FCHSD2: variants seen among roughly 807,000 people sequenced by gnomAD.
FCHSD2 encodes FCH and double SH3 domains 2.
Under a neutral mutation model 108.1 loss-of-function variants are expected in FCHSD2, and 38 were observed. That is an observed-to-expected ratio of 0.35 (90% confidence interval 0.27 to 0.46). The LOEUF (loss-of-function observed/expected upper bound fraction) is 0.46. Among genes scored for constraint, FCHSD2 ranks in the 20% least tolerant of loss-of-function variants. The pLI is 1.00. For synonymous variants in FCHSD2, 279 were observed against 314.7 expected (o/e 0.89, Z 1.20); for missense variants, 751 against 897.8 (o/e 0.84, Z 2.09).
intron 9 of FCHSD2, among the ~76,000 whole-genome samples, chr11:72,905,652 T>C (rs574134099): frequency 2.1e-4 from 32 of 151,776 alleles, no homozygotes; most frequent in Admixed American, 1.1e-3. Context: ...TGTGTTCTCA[T>C]TGTTCAACTC....
chr11:73,099,977 T>C (rs922294789), intron 2 of FCHSD2, among the ~76,000 whole-genome samples: 2 of 152,218 alleles, frequency 1.3e-5, no homozygotes, highest in Non-Finnish European at 1.5e-5. Flanking sequence ...GTGCCGTTTG[T>C]CATAGAAGCA....
intron 5 of FCHSD2, among the ~76,000 whole-genome samples, chr11:72,994,826 A>C (rs1292799407): frequency 6.6e-6 from 1 of 152,208 alleles, no homozygotes; most frequent in Non-Finnish European, 1.5e-5. Flanking sequence ...AGTTTATCTT[A>C]AAAGCTTTTA....
chr11:73,097,352 A>G (rs1230733980), intron 2 of FCHSD2, among the ~76,000 whole-genome samples: 1 of 149,154 alleles, frequency 6.7e-6, no homozygotes, highest in Non-Finnish European at 1.5e-5. Context: ...TCAGTTTCCT[A>G]GGTTTGTTTG....
chr11:72,857,540 G>A (rs1008572890), intron 13 of FCHSD2, among the ~76,000 whole-genome samples: 1 of 150,376 alleles, frequency 6.6e-6, no homozygotes, highest in African/African-American at 2.4e-5. Flanking sequence ...TTGGGTTCAA[G>A]CGATTCTCCT....
At chr11:72,978,793 G>A (rs2135392742) in intron 8 of FCHSD2, among the ~76,000 whole-genome samples, 1 of 151,778 alleles carries the variant, frequency 6.6e-6, no homozygotes, top group Non-Finnish European at 1.5e-5. Context: ...CCCCAGCCAT[G>A]CGGAACTGAG....
intron 8 of FCHSD2, among the ~76,000 whole-genome samples, chr11:72,972,942 T>C (rs1251602410): frequency 6.6e-6 from 1 of 152,230 alleles, no homozygotes; most frequent in African/African-American, 2.4e-5. Context: ...CAGCTTCTAA[T>C]GCATACCACT....
At chr11:73,022,593 G>T (rs1276164501) in intron 3 of FCHSD2, among the ~76,000 whole-genome samples, 4 of 152,120 alleles carry the variant, frequency 2.6e-5, no homozygotes, top group African/African-American at 9.7e-5. Context: ...AAGAATAAAA[G>T]AATCTAAATG....
At chr11:72,858,066 T>C (rs542751474) in intron 13 of FCHSD2, among the ~76,000 whole-genome samples, 1 of 152,366 alleles carries the variant, frequency 6.6e-6, no homozygotes, top group East Asian at 1.9e-4. Context: ...AACACATGTT[T>C]GGTGCATAGG....
chr11:72,855,815 CA>C (rs1861414116), intron 13 of FCHSD2, among the ~76,000 whole-genome samples: 1 of 152,044 alleles, frequency 6.6e-6, no homozygotes, highest in Admixed American at 6.5e-5. Context: ...ACGTATCTGA[CA>C]GGGGAAGGCA....
At chr11:72,858,893 T>C (rs995391618) in intron 13 of FCHSD2, among the ~76,000 whole-genome samples, 2 of 152,054 alleles carry the variant, frequency 1.3e-5, no homozygotes, top group African/African-American at 4.8e-5. Flanking sequence ...TCAAAATATA[T>C]GAAAGAACAG....
chr11:73,085,522 T>C (rs2135516441), intron 2 of FCHSD2, among the ~76,000 whole-genome samples: 1 of 152,268 alleles, frequency 6.6e-6, no homozygotes, highest in South Asian at 2.1e-4. Context: ...ATTTTTCTCT[T>C]TTTCCCCTTT....
intron 2 of FCHSD2, among the ~76,000 whole-genome samples, chr11:73,129,546 T>G (rs1394211624): frequency 6.6e-6 from 1 of 152,238 alleles, no homozygotes; most frequent in African/African-American, 2.4e-5. Context: ...CCTGATGATC[T>G]GTCACTGTCT....
intron 10 of FCHSD2, chr11:72,900,369 A>T: frequency 7.1e-7 from 1 of 1,402,108 alleles, no homozygotes; most frequent in Non-Finnish European, 9.9e-7. Flanking sequence ...AACATAGCAT[A>T]GAGTTAGAAA....
At chr11:72,940,783 T>C in intron 8 of FCHSD2, 1 of 853,172 alleles carries the variant, frequency 1.2e-6, no homozygotes, top group East Asian at 2.4e-5. Context: ...AAAGTTTGCC[T>C]GAAGCCTTCA....
chr11:72,992,680 G>A (rs1167219959), intron 5 of FCHSD2, among the ~76,000 whole-genome samples: 1 of 152,132 alleles, frequency 6.6e-6, no homozygotes, highest in Non-Finnish European at 1.5e-5. Context: ...TTTAATAAAT[G>A]GTGCTGGGAA....
At chr11:72,951,612 C>T (rs1856621820) in intron 8 of FCHSD2, among the ~76,000 whole-genome samples, 1 of 152,190 alleles carries the variant, frequency 6.6e-6, no homozygotes, top group South Asian at 2.1e-4. Context: ...AATCTCACCC[C>T]TACACTAAGA....
chr11:72,976,966 C>T (rs2135390639), intron 8 of FCHSD2, among the ~76,000 whole-genome samples: 1 of 151,148 alleles, frequency 6.6e-6, no homozygotes, highest in East Asian at 1.9e-4. Flanking sequence ...TGCTCTGTTG[C>T]CCAGGCTGGA....
At chr11:73,111,308 T>C (rs1860479524) in intron 2 of FCHSD2, among the ~76,000 whole-genome samples, 1 of 152,236 alleles carries the variant, frequency 6.6e-6, no homozygotes, top group Non-Finnish European at 1.5e-5. Context: ...ATTGGGTACA[T>C]ATATATTTAC....
intron 3 of FCHSD2, among the ~76,000 whole-genome samples, chr11:73,023,344 G>GA (rs1417043772): frequency 6.6e-6 from 1 of 151,908 alleles, no homozygotes; most frequent in African/African-American, 2.4e-5. Context: ...TCAACAGTAA[G>GA]AAAAAAATCA....
Sources: allele counts gnomAD v4.1 joint callset (sites outside exome capture counted in the v4.1 genomes callset), GRCh38; gene constraint gnomAD v4.1.1; transcripts MANE v1.5; gene names NCBI Gene and HGNC (gene_info 2026-07-23, HGNC 2026-07-21).